PLCB1: variants seen among roughly 807,000 people sequenced by gnomAD.
PLCB1 encodes the protein phospholipase C beta 1, also known as 1-phosphatidylinositol 4,5-bisphosphate phosphodiesterase beta-1.
PLCB1 carries 46 observed loss-of-function variants against 161.8 expected under a neutral mutation model. The observed-to-expected ratio is 0.28, with a 90% CI of 0.22 to 0.36. The LOEUF (loss-of-function observed/expected upper bound fraction) is 0.36, where lower values mean the gene tolerates loss of function less well. PLCB1 is among the 10% of genes least tolerant of loss of function. The probability of loss-of-function intolerance (pLI) is 1.00; values close to 1 mark genes in which losing one functional copy is unlikely to be tolerated. For synonymous variants in PLCB1, 517 were observed against 503.7 expected (o/e 1.03, Z -0.35); for missense variants, 1,016 against 1,472.5 (o/e 0.69, Z 5.07).
At chr20:8,283,378 C>T (rs1982968093) in intron 2 of PLCB1, among the ~76,000 whole-genome samples, 1 of 151,720 alleles carries the variant, frequency 6.6e-6, no homozygotes, top group African/African-American at 2.4e-5. Flanking sequence ...ATACTGTTAC[C>T]TTTAATTTTT....
chr20:8,744,170 TA>T (rs199948973), intron 23 of PLCB1, among the ~76,000 whole-genome samples: 13 of 145,190 alleles, frequency 9.0e-5, no homozygotes, highest in Non-Finnish European at 7.6e-5. Context: ...AAATAAAAGC[TA>T]AAAAAAAAAG....
chr20:8,534,145 C>T (rs910037230), intron 3 of PLCB1, among the ~76,000 whole-genome samples: 5 of 152,160 alleles, frequency 3.3e-5, no homozygotes, highest in Non-Finnish European at 7.4e-5. Flanking sequence ...CTCTGTCATC[C>T]ATGCTGCTGT....
Position 8,797,545 on chromosome 20 carries a change from A to G in PLCB1, c.3423+7284A>G, listed in dbSNP as rs550297025. Among the ~76,000 whole-genome samples, 10 of 152,024 alleles carry G rather than the reference A, an allele frequency of 6.6e-5. 1 individual carries two copies. The highest frequency in any genetic ancestry group is 1.9e-4 in the African/African-American group (8 of 41,470). On this transcript the variant is annotated intron_variant, in intron 31 of 31. Coordinates refer to ENST00000338037, the MANE Select transcript of PLCB1 (RefSeq NM_015192.4). ...AATTTTTTTTCCTACACTTTTTGCA[A>G]TGCACCAATTTTTTGTTTAAACTTC...
chr20:8,691,170 C>G (rs1251305215), intron 10 of PLCB1, among the ~76,000 whole-genome samples: 1 of 152,062 alleles, frequency 6.6e-6, no homozygotes, highest in Non-Finnish European at 1.5e-5. Context: ...ATGTAGAAGT[C>G]CTGTTTCTCA....
chr20:8,755,964 G>T (rs750321612), intron 23 of PLCB1, among the ~76,000 whole-genome samples: 38 of 152,324 alleles, frequency 2.5e-4, no homozygotes, highest in Middle Eastern at 3.4e-3. Flanking sequence ...GTGTAAAGTT[G>T]CTATGGCCTT....
intron 3 of PLCB1, among the ~76,000 whole-genome samples, chr20:8,453,282 G>C (rs1360953127): frequency 6.6e-6 from 1 of 152,172 alleles, no homozygotes; most frequent in Admixed American, 6.5e-5. Context: ...ATCTCCTGCA[G>C]CCACCTCACA....
At chr20:8,319,248 A>G (rs1448637095) in intron 2 of PLCB1, among the ~76,000 whole-genome samples, 1 of 152,174 alleles carries the variant, frequency 6.6e-6, no homozygotes, top group African/African-American at 2.4e-5. Flanking sequence ...GCTTACGATA[A>G]TAAGCATTTA....
At position 8,716,116 on chromosome 20, in the gene PLCB1, A is replaced by G. The variant is rs190233169; in HGVS notation, c.1251-148A>G. 135 of 633,960 alleles carry G rather than the reference A, an allele frequency of 2.1e-4. No homozygotes were observed. In the Admixed American group the frequency reaches 3.5e-3, roughly 16 times the overall value. The allele number at this position is 633,960 out of a possible 1,614,324, so 39.3% of individuals were successfully genotyped here. On this transcript the variant is annotated intron_variant, in intron 12 of 31. Coordinates refer to ENST00000338037, the MANE Select transcript of PLCB1 (RefSeq NM_015192.4). ...ATGTTATTCAAATTCACATAAGTTA[A>G]GATAAAGATCCAGGATGATAAAAAC...
intron 2 of PLCB1, among the ~76,000 whole-genome samples, chr20:8,220,091 A>G (rs1979328746): frequency 6.6e-6 from 1 of 152,190 alleles, no homozygotes; most frequent in Non-Finnish European, 1.5e-5. Flanking sequence ...TTAAAGTTAT[A>G]CATTCTAGAT....
chr20:8,469,129 C>A (rs1419326898), intron 3 of PLCB1, among the ~76,000 whole-genome samples: 1 of 152,222 alleles, frequency 6.6e-6, no homozygotes, highest in Middle Eastern at 3.4e-3. Flanking sequence ...AAGCATCAGA[C>A]CTGAGTTCTG....
At chr20:8,201,492 G>A (rs913835350) in intron 2 of PLCB1, among the ~76,000 whole-genome samples, 1 of 152,096 alleles carries the variant, frequency 6.6e-6, no homozygotes, top group Admixed American at 6.6e-5. Flanking sequence ...GTGCCCAAGA[G>A]AACTGCTATT....
intron 3 of PLCB1, among the ~76,000 whole-genome samples, chr20:8,577,849 T>C (rs202122886): frequency 6.6e-6 from 1 of 152,216 alleles, no homozygotes; most frequent in East Asian, 1.9e-4. Context: ...TTATAATGCT[T>C]CCCATATTAG....
intron 2 of PLCB1, among the ~76,000 whole-genome samples, chr20:8,345,001 G>T (rs1408159148): frequency 6.6e-6 from 1 of 152,170 alleles, no homozygotes; most frequent in Admixed American, 6.5e-5. Flanking sequence ...GCAATTAAAG[G>T]CAGGAAACTA....
At chr20:8,354,930 C>T (rs922641586) in intron 2 of PLCB1, among the ~76,000 whole-genome samples, 7 of 152,040 alleles carry the variant, frequency 4.6e-5, no homozygotes, top group Non-Finnish European at 1.5e-5. Context: ...TTAGCTGATC[C>T]TACATATATT....
At chr20:8,555,757 G>A (rs915387228) in intron 3 of PLCB1, among the ~76,000 whole-genome samples, 1 of 151,870 alleles carries the variant, frequency 6.6e-6, no homozygotes, top group Admixed American at 6.6e-5. Flanking sequence ...TGTTTGTCAG[G>A]GCTTCATCAA....
Position 8,742,851 on chromosome 20 carries a change from C to T in PLCB1, c.2523+1278C>T, listed in dbSNP as rs571852990. Among the ~76,000 whole-genome samples the T allele has an allele frequency of 1.6e-3, 240 of 152,176 alleles. 1 individual carries two copies. Among genetic ancestry groups the T allele is most frequent in the African/African-American group, 5.0e-3 (209 of 41,530 alleles). ...GGGTACATAGTAGGTATATATGTTA[C>T]GGGGTGCATTTGATATTCTGATACA... On this transcript the variant is annotated intron_variant, in intron 23 of 31. Coordinates refer to ENST00000338037, the MANE Select transcript of PLCB1 (RefSeq NM_015192.4).
chr20:8,182,824 G>A (rs918837373), intron 2 of PLCB1, among the ~76,000 whole-genome samples: 7 of 151,888 alleles, frequency 4.6e-5, no homozygotes, highest in South Asian at 2.1e-4. Flanking sequence ...GAAGCAATCC[G>A]CCCACCTCAG....
At chr20:8,344,937 A>C (rs1985947283) in intron 2 of PLCB1, among the ~76,000 whole-genome samples, 1 of 152,230 alleles carries the variant, frequency 6.6e-6, no homozygotes, top group African/African-American at 2.4e-5. Context: ...GGCACGCTGA[A>C]AGGAATTTTT....
At chr20:8,389,180 A>G (rs998081807) in intron 3 of PLCB1, among the ~76,000 whole-genome samples, 8 of 152,230 alleles carry the variant, frequency 5.3e-5, no homozygotes, top group Non-Finnish European at 7.3e-5. Flanking sequence ...CAAATTTGAG[A>G]AGAGGTTGGT....
Sources: allele counts gnomAD v4.1 joint callset (sites outside exome capture counted in the v4.1 genomes callset), GRCh38; gene constraint gnomAD v4.1.1; transcripts MANE v1.5; gene names NCBI Gene and HGNC (gene_info 2026-07-23, HGNC 2026-07-21).